The following BICC1 variants were observed in gnomAD, a reference collection of about 807,000 sequenced individuals.
BICC1 encodes the protein protein bicaudal C homolog 1.
Under a neutral mutation model 111.0 loss-of-function variants are expected in BICC1, and 43 were observed. That is an observed-to-expected ratio of 0.39 (90% CI 0.30 to 0.50). BICC1 has a LOEUF of 0.50. Ranked by LOEUF, BICC1 falls within the 20% of genes least tolerant of loss-of-function variation. The pLI, the probability that BICC1 is intolerant of heterozygous loss-of-function variation, is 0.88. For synonymous variants in BICC1, 467 were observed against 434.4 expected, an observed-to-expected ratio of 1.07 and a Z score of -0.93; for missense variants, 1,091 against 1,203.2, an observed-to-expected ratio of 0.91 and a Z score of 1.38.
chr10:58,552,568 C>G (rs901768493), intron 1 of BICC1, among the ~76,000 whole-genome samples: 8 of 152,120 alleles, frequency 5.3e-5, no homozygotes, highest in Non-Finnish European at 7.4e-5. Flanking sequence ...ATCTCCTGAC[C>G]TTGTGATCCA....
At chr10:58,746,177 T>C (rs1252946479) in intron 3 of BICC1, among the ~76,000 whole-genome samples, 1 of 152,172 alleles carries the variant, frequency 6.6e-6, no homozygotes, top group Non-Finnish European at 1.5e-5. Context: ...GAATTTAATC[T>C]ACTTAGCTTT....
At chr10:58,605,490 A>G (rs908805940) in intron 1 of BICC1, among the ~76,000 whole-genome samples, 1 of 152,286 alleles carries the variant, frequency 6.6e-6, no homozygotes, top group East Asian at 1.9e-4. Flanking sequence ...AGCTTAATCA[A>G]TATTCAGTGT....
chr10:58,694,717 T>TG (rs1276818010), intron 2 of BICC1, among the ~76,000 whole-genome samples: 1 of 152,132 alleles, frequency 6.6e-6, no homozygotes, highest in Non-Finnish European at 1.5e-5. Context: ...CATATGTGTT[T>TG]GGGGGTGGTG....
intron 4 of BICC1, among the ~76,000 whole-genome samples, chr10:58,785,591 A>G (rs577618464): frequency 6.6e-6 from 1 of 152,218 alleles, no homozygotes; most frequent in African/African-American, 2.4e-5. Context: ...GTATATGTAT[A>G]GAGAGAGAAC....
intron 3 of BICC1, among the ~76,000 whole-genome samples, chr10:58,722,961 T>A (rs114138241): frequency 6.6e-6 from 1 of 152,208 alleles, no homozygotes; most frequent in Non-Finnish European, 1.5e-5. Context: ...TGTGGTTAAC[T>A]AGTTTTGGGC....
chr10:58,576,546 A>C (rs1318811479), intron 1 of BICC1, among the ~76,000 whole-genome samples: 2 of 152,168 alleles, frequency 1.3e-5, no homozygotes, highest in African/African-American at 4.8e-5. Flanking sequence ...CATAATTCAA[A>C]TCTGGAATTT....
intron 2 of BICC1, among the ~76,000 whole-genome samples, chr10:58,655,058 C>A (rs1838589129): frequency 7.2e-6 from 1 of 138,582 alleles, no homozygotes; most frequent in African/African-American, 2.6e-5. Flanking sequence ...GTTTTGGTAC[C>A]AGTACCATGC....
intron 2 of BICC1, among the ~76,000 whole-genome samples, chr10:58,698,067 C>G (rs1840117177): frequency 6.6e-6 from 1 of 152,178 alleles, no homozygotes; most frequent in South Asian, 2.1e-4. Flanking sequence ...CTTCATTGAT[C>G]ACATCCTAAG....
chr10:58,643,545 T>TA (rs746748502), intron 2 of BICC1, among the ~76,000 whole-genome samples: 2 of 152,246 alleles, frequency 1.3e-5, no homozygotes, highest in Admixed American at 6.5e-5. Context: ...GGTCAGGACT[T>TA]ACAGTACATT....
At chr10:58,799,665 G>T (rs1843475574) in intron 12 of BICC1, among the ~76,000 whole-genome samples, 1 of 151,928 alleles carries the variant, frequency 6.6e-6, no homozygotes, top group South Asian at 2.1e-4. Flanking sequence ...TAGGTGTGCA[G>T]CTTTATTTCT....
At chr10:58,595,126 A>G (rs1211381968) in intron 1 of BICC1, among the ~76,000 whole-genome samples, 1 of 152,234 alleles carries the variant, frequency 6.6e-6, no homozygotes, top group Non-Finnish European at 1.5e-5. Context: ...GAAGGCCATT[A>G]CATAATGGTA....
intron 1 of BICC1, among the ~76,000 whole-genome samples, chr10:58,589,870 G>A (rs1273147390): frequency 2.6e-5 from 4 of 151,938 alleles, no homozygotes; most frequent in Non-Finnish European, 4.4e-5. Flanking sequence ...CATAGGCATG[G>A]TCATAGTGCA....
At chr10:58,776,464 C>A (rs1013401957) in intron 3 of BICC1, among the ~76,000 whole-genome samples, 1 of 152,182 alleles carries the variant, frequency 6.6e-6, no homozygotes, top group East Asian at 1.9e-4. Context: ...CTTAGAAGTT[C>A]TTGCATAACT....
intron 5 of BICC1, 28 bp downstream of exon 5, chr10:58,787,109 A>G (rs755132556): frequency 2.0e-6 from 3 of 1,530,958 alleles, no homozygotes; most frequent in Admixed American, 4.6e-5. Flanking sequence ...ATGAACTTTT[A>G]TGGGATGAAT....
chr10:58,580,645 A>G (rs1331400694), intron 1 of BICC1, among the ~76,000 whole-genome samples: 4 of 152,170 alleles, frequency 2.6e-5, no homozygotes, highest in African/African-American at 9.7e-5. Context: ...AGCTTATTAG[A>G]AGCTCTTAAC....
At chr10:58,630,620 T>C (rs1354272252) in intron 2 of BICC1, among the ~76,000 whole-genome samples, 1 of 152,140 alleles carries the variant, frequency 6.6e-6, no homozygotes, top group Non-Finnish European at 1.5e-5. Flanking sequence ...TAGGTGTCCC[T>C]AGAGTCTTCC....
At chr10:58,814,556 T>A (rs1844023863) in intron 18 of BICC1, among the ~76,000 whole-genome samples, 1 of 150,556 alleles carries the variant, frequency 6.6e-6, no homozygotes, top group Non-Finnish European at 1.5e-5. Context: ...GAAGGTGAGT[T>A]GATAGCTTGA....
At chr10:58,776,464 C>G (rs1013401957) in intron 3 of BICC1, among the ~76,000 whole-genome samples, 1 of 152,182 alleles carries the variant, frequency 6.6e-6, no homozygotes, top group Admixed American at 6.5e-5. Flanking sequence ...CTTAGAAGTT[C>G]TTGCATAACT....
chr10:58,674,785 C>CA (rs1200562177), intron 2 of BICC1, among the ~76,000 whole-genome samples: 1 of 151,116 alleles, frequency 6.6e-6, no homozygotes, highest in Non-Finnish European at 1.5e-5. Context: ...TTGAATAAAG[C>CA]AAAAAAAGAA....
Sources: gnomAD v4.1 joint callset for allele counts (sites outside exome capture counted in the v4.1 genomes callset) on GRCh38, gnomAD v4.1.1 for gene constraint, MANE v1.5 for transcripts, NCBI Gene and HGNC (gene_info 2026-07-23, HGNC 2026-07-21) for gene names.